PCDH15: variants seen among roughly 807,000 people sequenced by gnomAD.
PCDH15 encodes protocadherin related 15, also known as protocadherin-15.
In PCDH15, 129 loss-of-function variants were observed where a neutral mutation model predicts 178.5. The observed-to-expected ratio is 0.72, with a 90% CI of 0.63 to 0.84. The LOEUF (loss-of-function observed/expected upper bound fraction) is 0.84, where lower values mean the gene tolerates loss of function less well. Among genes scored for constraint, PCDH15 ranks in the 40% least tolerant of loss-of-function variants. The pLI, the probability that PCDH15 is intolerant of heterozygous loss-of-function variation, is 0.00. For synonymous variants in PCDH15, 800 were observed against 732.0 expected, an observed-to-expected ratio of 1.09 and a Z score of -1.50; for missense variants, 2,230 against 2,099.9, an observed-to-expected ratio of 1.06 and a Z score of -1.21.
At chr10:54,502,287 G>A (rs893466229) in intron 3 of PCDH15, among the ~76,000 whole-genome samples, 3 of 152,044 alleles carry the variant, frequency 2.0e-5, no homozygotes, top group Non-Finnish European at 4.4e-5. Context: ...GGCACATAAA[G>A]AGACTATAAT....
At chr10:55,204,411 C>A (rs1221256631) in intron 1 of PCDH15, among the ~76,000 whole-genome samples, 1 of 151,610 alleles carries the variant, frequency 6.6e-6, no homozygotes, top group South Asian at 2.1e-4. Flanking sequence ...AAATATAAAA[C>A]TCTTCCTTGA....
At chr10:55,287,000 A>C (rs960528215) in intron 1 of PCDH15, among the ~76,000 whole-genome samples, 1 of 152,016 alleles carries the variant, frequency 6.6e-6, no homozygotes, top group Non-Finnish European at 1.5e-5. Context: ...TTTTGCCTAA[A>C]ATAGGGCATT....
At chr10:54,294,281 A>C (rs1187524140) in intron 8 of PCDH15, among the ~76,000 whole-genome samples, 1 of 148,558 alleles carries the variant, frequency 6.7e-6, no homozygotes, top group Non-Finnish European at 1.5e-5. Context: ...ACTTGGACAC[A>C]TGGCAGGGAA....
intron 2 of PCDH15, among the ~76,000 whole-genome samples, chr10:55,447,592 A>G (rs1839345492): frequency 6.6e-6 from 1 of 152,092 alleles, no homozygotes; most frequent in African/African-American, 2.4e-5. Flanking sequence ...CAAAATATAA[A>G]TGATTGTAAA....
chr10:54,731,563 T>TATATATATATATATATATATATACAC lies in PCDH15; in HGVS notation c.-28-67274_-28-67273insGTGTATATATATATATATATATATAT. Among the ~76,000 whole-genome samples the TATATATATATATATATATATATACAC allele has an allele frequency of 2.0e-3, 102 of 49,810 alleles. 2 individuals are homozygous for TATATATATATATATATATATATACAC. The highest frequency in any genetic ancestry group is 4.6e-3 in the African/African-American group (70 of 15,356). The allele number at this position is 49,810 out of a possible 152,430, so 32.7% of individuals were successfully genotyped here. On this transcript the variant is annotated intron_variant, in intron 1 of 37. Transcript: ENST00000644397. ...TGAGATAGATATATATATATATATA[T>TATATATATATATATATATATATACAC]ACACACACACACACACACACACACA...
rs190601393 is a variant in PCDH15, at chr10:53,989,633, T to C, written c.2868+6016A>G. ...CACAAGCTGACATTCACAGTAAAAGTAGTTCTTGATTATTTCCCTAACAGC... is the reference window on the plus strand; with the variant it reads ...CACAAGCTGACATTCACAGTAAAAGCAGTTCTTGATTATTTCCCTAACAGC... On this transcript the variant is annotated intron_variant, in intron 21 of 37. Transcript: ENST00000644397. 3.5e-3 allele frequency among the ~76,000 whole-genome samples: 530 copies of C among 152,214 alleles called. 4 individuals are homozygous for C. The highest frequency in any genetic ancestry group is 0.012 in the African/African-American group (497 of 41,512).
At chr10:55,474,608 AAAT>A (rs901951672) in intron 2 of PCDH15, among the ~76,000 whole-genome samples, 6 of 152,160 alleles carry the variant, frequency 3.9e-5, no homozygotes, top group African/African-American at 1.4e-4. Context: ...CACTTAATTT[AAAT>A]AATATTTACT....
intron 35 of PCDH15, among the ~76,000 whole-genome samples, chr10:53,812,330 C>G (rs1022413351): frequency 6.6e-6 from 1 of 152,018 alleles, no homozygotes; most frequent in Non-Finnish European, 1.5e-5. Flanking sequence ...GCCTCAGCCT[C>G]CCGAGTAGCT....
intron 27 of PCDH15, among the ~76,000 whole-genome samples, chr10:53,866,428 C>A (rs1428869493): frequency 7.1e-6 from 1 of 140,680 alleles, no homozygotes; most frequent in African/African-American, 2.7e-5. Flanking sequence ...AAAATAAACA[C>A]CTTACGGTGT....
chr10:55,457,109 A>G (rs887625729), intron 2 of PCDH15, among the ~76,000 whole-genome samples: 3 of 152,068 alleles, frequency 2.0e-5, no homozygotes, highest in Admixed American at 6.6e-5. Flanking sequence ...CATATCACAA[A>G]TTTCTGTTTC....
intron 13 of PCDH15, among the ~76,000 whole-genome samples, chr10:54,161,033 G>GAA (rs2045657385): frequency 6.6e-6 from 1 of 151,866 alleles, no homozygotes; most frequent in South Asian, 2.1e-4. Context: ...ATAACAAACA[G>GAA]AAAAATAAAC....
chr10:54,860,299 CCCT>C (rs950373875), intron 3 of PCDH15, among the ~76,000 whole-genome samples: 10 of 152,066 alleles, frequency 6.6e-5, no homozygotes, highest in Non-Finnish European at 1.3e-4. Flanking sequence ...TGCCCCTTCC[CCCT>C]CCTCCCACTC....
intron 3 of PCDH15, among the ~76,000 whole-genome samples, chr10:54,831,661 A>G (rs541532722): frequency 9.7e-4 from 147 of 152,258 alleles, no homozygotes; most frequent in African/African-American, 3.4e-3. Context: ...CACAAGAGGA[A>G]AATTATCTTG....
At chr10:54,180,837 A>C (rs1252012305) in intron 13 of PCDH15, among the ~76,000 whole-genome samples, 1 of 152,212 alleles carries the variant, frequency 6.6e-6, no homozygotes, top group Non-Finnish European at 1.5e-5. Flanking sequence ...GCATGCTGAC[A>C]CAAACAACAG....
chr10:55,319,556 G>A (rs1202727298), intron 1 of PCDH15: 1 of 152,218 alleles, frequency 6.6e-6, no homozygotes, highest in African/African-American at 2.4e-5. Context: ...AGACTTTGTG[G>A]GGGATGGAGG....
chr10:55,050,989 A>G (rs889027213), intron 2 of PCDH15, among the ~76,000 whole-genome samples: 1 of 152,084 alleles, frequency 6.6e-6, no homozygotes, highest in African/African-American at 2.4e-5. Flanking sequence ...CACTTTAAGA[A>G]AGGTTACATC....
intron 2 of PCDH15, among the ~76,000 whole-genome samples, chr10:55,103,683 G>T (rs528762087): frequency 6.6e-6 from 1 of 152,170 alleles, no homozygotes; most frequent in African/African-American, 2.4e-5. Context: ...CCATAGTGCT[G>T]TCAGTTCTTT....
intron 2 of PCDH15, among the ~76,000 whole-genome samples, chr10:55,397,640 T>G (rs2132021121): frequency 6.6e-6 from 1 of 152,252 alleles, no homozygotes; most frequent in East Asian, 1.9e-4. Context: ...TGGAGTGCAG[T>G]GGCGTGATCT....
At chr10:55,135,324 T>C (rs2132081939) in intron 2 of PCDH15, among the ~76,000 whole-genome samples, 1 of 152,130 alleles carries the variant, frequency 6.6e-6, no homozygotes, top group Non-Finnish European at 1.5e-5. Flanking sequence ...CGCCTCTGCC[T>C]TACATCTAAG....
Sources: allele counts gnomAD v4.1 joint callset (sites outside exome capture counted in the v4.1 genomes callset), GRCh38; gene constraint gnomAD v4.1.1; transcripts MANE v1.5; gene names NCBI Gene and HGNC (gene_info 2026-07-23, HGNC 2026-07-21).